Variants in NDUFAF2 observed in about 807,000 individuals in gnomAD.
The protein encoded by NDUFAF2 is NADH dehydrogenase [ubiquinone] 1 alpha subcomplex assembly factor 2.
Under a neutral mutation model 22.8 loss-of-function variants are expected in NDUFAF2, and 13 were observed. That is an observed-to-expected ratio of 0.57 (90% CI 0.37 to 0.91). The LOEUF is 0.91. Among genes scored for constraint, NDUFAF2 ranks in the 40% least tolerant of loss-of-function variants. NDUFAF2 has a pLI of 0.01. For synonymous variants in NDUFAF2, 53 were observed against 64.2 expected (o/e 0.83, Z 0.84); for missense variants, 162 against 195.2 (o/e 0.83, Z 1.01).
intron 1 of NDUFAF2, among the ~76,000 whole-genome samples, chr5:60,967,154 A>G (rs1319242807): frequency 6.6e-6 from 1 of 151,936 alleles, no homozygotes; most frequent in African/African-American, 2.4e-5. Flanking sequence ...TGGATAGTTT[A>G]TCAGTGTATA....
At chr5:60,946,119 T>G (rs158919) in intron 1 of NDUFAF2, among the ~76,000 whole-genome samples, 96,598 of 151,888 alleles carry the variant, frequency 0.64, 31,149 homozygotes, top group East Asian at 0.94. Context: ...TAAGGAGGCG[T>G]TGCTGTCCAT....
intron 1 of NDUFAF2, among the ~76,000 whole-genome samples, chr5:61,007,967 C>T (rs1751391311): frequency 6.6e-6 from 1 of 151,924 alleles, no homozygotes; most frequent in Admixed American, 6.6e-5. Context: ...GAATACTATG[C>T]AGCCATAAAA....
At chr5:61,126,669 T>C (rs1229031659) in intron 3 of NDUFAF2, among the ~76,000 whole-genome samples, 1 of 152,088 alleles carries the variant, frequency 6.6e-6, no homozygotes, top group Non-Finnish European at 1.5e-5. Context: ...ACAAAATTTA[T>C]TTGCGTATTG....
intron 1 of NDUFAF2, among the ~76,000 whole-genome samples, chr5:60,945,847 G>T (rs1168193351): frequency 6.6e-6 from 1 of 152,172 alleles, no homozygotes; most frequent in Non-Finnish European, 1.5e-5. Flanking sequence ...AATTGAAGAG[G>T]AGTATCTTCA....
chr5:61,013,000 A>G (rs1031755559), intron 1 of NDUFAF2, among the ~76,000 whole-genome samples: 1 of 152,090 alleles, frequency 6.6e-6, no homozygotes, highest in Non-Finnish European at 1.5e-5. Flanking sequence ...CTAAGTAGCA[A>G]TTGTGTGAAT....
chr5:60,966,583 C>T (rs977642801), intron 1 of NDUFAF2, among the ~76,000 whole-genome samples: 16 of 152,206 alleles, frequency 1.1e-4, no homozygotes, highest in African/African-American at 3.9e-4. Context: ...TGTGGATATC[C>T]AGTTTTCCAA....
chr5:61,138,146 AC>A (rs572271417), intron 3 of NDUFAF2, among the ~76,000 whole-genome samples: 64 of 152,320 alleles, frequency 4.2e-4, no homozygotes, highest in Non-Finnish European at 7.8e-4. Flanking sequence ...CATATTTGCC[AC>A]AGGCAAGTTT....
intron 3 of NDUFAF2, among the ~76,000 whole-genome samples, chr5:61,130,492 A>G (rs1753095621): frequency 1.3e-5 from 2 of 152,276 alleles, no homozygotes; most frequent in South Asian, 2.1e-4. Context: ...GAGATCTTAT[A>G]TAACTTGCCT....
chr5:61,018,497 A>G (rs1751539986), intron 1 of NDUFAF2, among the ~76,000 whole-genome samples: 1 of 152,180 alleles, frequency 6.6e-6, no homozygotes, highest in Non-Finnish European at 1.5e-5. Flanking sequence ...AAGATTATTA[A>G]ACATTTATCA....
intron 1 of NDUFAF2, among the ~76,000 whole-genome samples, chr5:60,985,085 C>G (rs1171147850): frequency 6.6e-6 from 1 of 152,160 alleles, no homozygotes; most frequent in Non-Finnish European, 1.5e-5. Context: ...TGTTATTGGT[C>G]TATTCAGAGA....
intron 2 of NDUFAF2, among the ~76,000 whole-genome samples, chr5:61,086,546 G>C (rs984250700): frequency 6.6e-6 from 1 of 152,046 alleles, no homozygotes; most frequent in African/African-American, 2.4e-5. Context: ...CTTTTCAATA[G>C]CTTGTGTTGA....
At chr5:60,983,641 C>T (rs1394420750) in intron 1 of NDUFAF2, among the ~76,000 whole-genome samples, 8 of 151,058 alleles carry the variant, frequency 5.3e-5, no homozygotes, top group African/African-American at 7.3e-5. Context: ...TTCCCAGCAC[C>T]ATTTATTAAA....
At chr5:61,032,109 G>A (rs1255265623) in intron 1 of NDUFAF2, among the ~76,000 whole-genome samples, 1 of 152,044 alleles carries the variant, frequency 6.6e-6, no homozygotes, top group Non-Finnish European at 1.5e-5. Context: ...TAAGTTCCTT[G>A]TAGATTCTGG....
chr5:61,060,722 T>C (rs575507830), intron 1 of NDUFAF2, among the ~76,000 whole-genome samples: 10 of 152,216 alleles, frequency 6.6e-5, no homozygotes, highest in African/African-American at 2.4e-4. Flanking sequence ...CACTTATCTC[T>C]CCTCATGCTA....
chr5:61,074,221 G>C (rs979827097), intron 2 of NDUFAF2, among the ~76,000 whole-genome samples: 2 of 152,198 alleles, frequency 1.3e-5, no homozygotes, highest in Admixed American at 6.5e-5. Flanking sequence ...GGAGGTCGAA[G>C]TGGGCGGATC....
intron 1 of NDUFAF2, among the ~76,000 whole-genome samples, chr5:61,044,912 G>C (rs1751927662): frequency 6.6e-6 from 1 of 151,466 alleles, no homozygotes; most frequent in Non-Finnish European, 1.5e-5. Context: ...ATTGCTTTGG[G>C]GAGTATGGAC....
intron 3 of NDUFAF2, among the ~76,000 whole-genome samples, chr5:61,105,891 G>C (rs1394059512): frequency 6.6e-6 from 1 of 151,398 alleles, no homozygotes; most frequent in African/African-American, 2.5e-5. Context: ...AATGGATTTA[G>C]TGAAACTGAG....
chr5:61,039,318 A>C (rs934831403), intron 1 of NDUFAF2, among the ~76,000 whole-genome samples: 2 of 152,178 alleles, frequency 1.3e-5, no homozygotes, highest in African/African-American at 4.8e-5. Context: ...TCATTTTCTA[A>C]AAAATCATGT....
chr5:61,084,450 C>T (rs1752481440), intron 2 of NDUFAF2, among the ~76,000 whole-genome samples: 1 of 145,112 alleles, frequency 6.9e-6, no homozygotes, highest in Non-Finnish European at 1.6e-5. Context: ...AAACTTCATG[C>T]CCATTGAAAA....
Sources: gnomAD v4.1 joint callset for allele counts (sites outside exome capture counted in the v4.1 genomes callset) on GRCh38, gnomAD v4.1.1 for gene constraint, MANE v1.5 for transcripts, NCBI Gene and HGNC (gene_info 2026-07-23, HGNC 2026-07-21) for gene names.